The following PLEKHG1 variants were observed in gnomAD, a reference collection of about 807,000 sequenced individuals.
PLEKHG1 encodes pleckstrin homology and RhoGEF domain containing G1, also known as pleckstrin homology domain-containing family G member 1.
A neutral mutation model predicts 100.8 loss-of-function variants in PLEKHG1; 44 were observed. The observed-to-expected ratio is 0.44, with a 90% CI of 0.34 to 0.56. The LOEUF is 0.56. PLEKHG1 is among the 20% of genes least tolerant of loss of function. PLEKHG1 has a pLI of 0.01. For synonymous variants in PLEKHG1, 640 were observed against 662.5 expected (o/e 0.97, Z 0.52); for missense variants, 1,545 against 1,720.9 (o/e 0.90, Z 1.81).
chr6:150,646,669 G>A (rs275349), intron 2 of PLEKHG1, among the ~76,000 whole-genome samples: 49,183 of 151,940 alleles, frequency 0.32, 8,406 homozygotes, highest in African/African-American at 0.45. Flanking sequence ...TAGAGTCACA[G>A]GTTACCTAGC....
chr6:150,621,233 G>T (rs978890744), intron 1 of PLEKHG1, among the ~76,000 whole-genome samples: 2 of 152,140 alleles, frequency 1.3e-5, no homozygotes, highest in African/African-American at 4.8e-5. Flanking sequence ...CAAGAAGGCC[G>T]TGTTCCAGAG....
chr6:150,619,732 G>A (rs1777216848), intron 1 of PLEKHG1, among the ~76,000 whole-genome samples: 1 of 152,148 alleles, frequency 6.6e-6, no homozygotes, highest in African/African-American at 2.4e-5. Flanking sequence ...TCTTTAGCCA[G>A]TCATAAAAGA....
rs144621536 is a variant in PLEKHG1, at chr6:150,672,367, G to C, written c.-99+21581G>C. Among the ~76,000 whole-genome samples the C allele has an allele frequency of 4.6e-5, 7 of 152,296 alleles. No homozygotes were observed. In the East Asian group the frequency reaches 1.3e-3, roughly 29 times the overall value. On this transcript the variant is annotated intron_variant, in intron 3 of 3. Transcript: ENST00000367326. Reference sequence around the variant, plus strand: ...TCCAGTGCAAAGTCTAGCAGTTGCTGCTACCTCCTCTGCTTTCCTCGATGT... The same window carrying C: ...TCCAGTGCAAAGTCTAGCAGTTGCTCCTACCTCCTCTGCTTTCCTCGATGT...
chr6:150,675,867 G>T (rs1582926636), intron 3 of PLEKHG1, among the ~76,000 whole-genome samples: 1 of 152,192 alleles, frequency 6.6e-6, no homozygotes, highest in Non-Finnish European at 1.5e-5. Flanking sequence ...TAGCAAAAAA[G>T]AAACTGTATA....
intron 3 of PLEKHG1, among the ~76,000 whole-genome samples, chr6:150,685,504 C>A (rs1447282183): frequency 6.6e-6 from 1 of 152,166 alleles, no homozygotes; most frequent in Non-Finnish European, 1.5e-5. Context: ...AGGGCTGCCC[C>A]TCTGAGATGG....
intron 3 of PLEKHG1, among the ~76,000 whole-genome samples, chr6:150,770,345 T>G (rs1784663992): frequency 6.6e-6 from 1 of 152,224 alleles, no homozygotes; most frequent in African/African-American, 2.4e-5. Flanking sequence ...GAAATGTTCC[T>G]TGACTTGAAA....
At chr6:150,620,059 G>T (rs1777230770) in intron 1 of PLEKHG1, among the ~76,000 whole-genome samples, 1 of 151,946 alleles carries the variant, frequency 6.6e-6, no homozygotes, top group African/African-American at 2.4e-5. Context: ...TCGTTTATTT[G>T]GTCACAATCA....
chr6:150,751,096 G>A (rs534570420), intron 2 of PLEKHG1, among the ~76,000 whole-genome samples: 5 of 152,090 alleles, frequency 3.3e-5, no homozygotes, highest in African/African-American at 4.8e-5. Context: ...TTTCTAGTAC[G>A]TTCTAAAGTA....
chr6:150,795,900 A>G (rs779668274), exon 5 of PLEKHG1: 20 of 1,594,486 alleles, frequency 1.3e-5, no homozygotes, highest in Middle Eastern at 1.7e-4. Context: ...CTAACTATCC[A>G]AGGTATGGAT....
At chr6:150,826,779 A>G (rs1776632721) in intron 14 of PLEKHG1, among the ~76,000 whole-genome samples, 1 of 151,904 alleles carries the variant, frequency 6.6e-6, no homozygotes, top group African/African-American at 2.4e-5. Flanking sequence ...AAGTAACTGG[A>G]CTACAGTCAT....
rs368141787 is a variant in PLEKHG1 at position 150,646,463 on chromosome 6, G to A, written c.-157-4265G>A. 1.4e-3 allele frequency among the ~76,000 whole-genome samples: 217 copies of A among 152,182 alleles called. 4 individuals carry two copies. In the South Asian group the frequency reaches 0.038, roughly 27 times the overall value. On this transcript the variant is annotated intron_variant, in intron 2 of 3. Coordinates refer to the PLEKHG1 transcript ENST00000367326. ...GGAGTAGGGCAAGGGAGAGGAAAATGTTGGTGCGAATGCCAGAAGGAGGGT... is the reference window on the plus strand; with the variant it reads ...GGAGTAGGGCAAGGGAGAGGAAAATATTGGTGCGAATGCCAGAAGGAGGGT...
chr6:150,730,604 T>C (rs559996882), intron 1 of PLEKHG1, among the ~76,000 whole-genome samples: 10 of 152,236 alleles, frequency 6.6e-5, no homozygotes, highest in African/African-American at 1.7e-4. Flanking sequence ...ACCCCTGTTA[T>C]AGAGAATATC....
intron 15 of PLEKHG1, among the ~76,000 whole-genome samples, chr6:150,835,791 G>A (rs534951418): frequency 5.3e-5 from 8 of 152,136 alleles, no homozygotes; most frequent in Non-Finnish European, 1.2e-4. Context: ...AGAAGGTCAA[G>A]CTGAAACAAA....
At chr6:150,669,721 C>A (rs561240089) in intron 3 of PLEKHG1, among the ~76,000 whole-genome samples, 6 of 151,636 alleles carry the variant, frequency 4.0e-5, no homozygotes, top group Admixed American at 3.9e-4. Context: ...CTCAGCCTCC[C>A]GAGTAGCTGG....
chr6:150,603,899 A>C (rs951472243), intron 1 of PLEKHG1, among the ~76,000 whole-genome samples: 4 of 152,084 alleles, frequency 2.6e-5, no homozygotes, highest in Non-Finnish European at 5.9e-5. Flanking sequence ...TGGTAGGCTA[A>C]GTTTTTTAAA....
chr6:150,840,506 C>T (rs1777471353), exon 16 of PLEKHG1: 1 of 1,614,178 alleles, frequency 6.2e-7, no homozygotes, highest in African/African-American at 1.3e-5. Flanking sequence ...GAAATTTACC[C>T]TTAAATGCCC....
intron 15 of PLEKHG1, among the ~76,000 whole-genome samples, chr6:150,835,595 A>G (rs1283197058): frequency 2.0e-5 from 3 of 152,216 alleles, no homozygotes; most frequent in African/African-American, 4.8e-5. Flanking sequence ...AACTGTTAAT[A>G]CTAGAACTAA....
chr6:150,838,808 T>C (rs1777363422), intron 15 of PLEKHG1, among the ~76,000 whole-genome samples: 1 of 152,214 alleles, frequency 6.6e-6, no homozygotes, highest in South Asian at 2.1e-4. Context: ...ATTAGATTAT[T>C]GAGTACATGC....
chr6:150,693,636 C>T (rs1780428740), intron 3 of PLEKHG1, among the ~76,000 whole-genome samples: 1 of 152,198 alleles, frequency 6.6e-6, no homozygotes, highest in Admixed American at 6.5e-5. Context: ...GCTCTGTTCT[C>T]CAACACTTGG....
Sources: allele counts gnomAD v4.1 joint callset (sites outside exome capture counted in the v4.1 genomes callset), GRCh38; gene constraint gnomAD v4.1.1; transcripts MANE v1.5; gene names NCBI Gene and HGNC (gene_info 2026-07-23, HGNC 2026-07-21).